OPCML: variants seen among roughly 807,000 people sequenced by gnomAD.
OPCML encodes opioid binding protein/cell adhesion molecule like.
In OPCML, 13 loss-of-function variants were observed where a neutral mutation model predicts 37.8. That is an observed-to-expected ratio of 0.34 (90% CI 0.22 to 0.55). The LOEUF (loss-of-function observed/expected upper bound fraction) is 0.55, where lower values mean the gene tolerates loss of function less well. Among genes scored for constraint, OPCML ranks in the 20% least tolerant of loss-of-function variants. The pLI, the probability that OPCML is intolerant of heterozygous loss-of-function variation, is 0.91. For missense variants in OPCML, 341 were observed against 435.6 expected, an observed-to-expected ratio of 0.78 and a Z score of 1.93; for synonymous variants, 176 against 168.8, an observed-to-expected ratio of 1.04 and a Z score of -0.33.
chr11:132,682,039 C>T (rs150147525), intron 2 of OPCML, among the ~76,000 whole-genome samples: 229 of 152,160 alleles, frequency 1.5e-3, no homozygotes, highest in African/African-American at 4.9e-3. Context: ...GCTAAAGGAG[C>T]GCTGTAACAC....
intron 2 of OPCML, among the ~76,000 whole-genome samples, chr11:132,712,669 G>A (rs1413401299): frequency 6.6e-6 from 1 of 152,206 alleles, no homozygotes; most frequent in Non-Finnish European, 1.5e-5. Flanking sequence ...GACAAGCGTG[G>A]CCTTCCAATT....
intron 3 of OPCML, among the ~76,000 whole-genome samples, chr11:132,631,375 A>ATATATATATATATATC (rs1491278364): frequency 3.6e-5 from 5 of 139,590 alleles, no homozygotes; most frequent in African/African-American, 1.3e-4. Flanking sequence ...ATATATATAT[A>ATATATATATATATATC]TCTCCTAGGT....
At chr11:132,732,588 GAT>G (rs1437002475) in intron 2 of OPCML, among the ~76,000 whole-genome samples, 1 of 152,136 alleles carries the variant, frequency 6.6e-6, no homozygotes, top group African/African-American at 2.4e-5. Flanking sequence ...TCTCAGGGAG[GAT>G]GAAAGAGAAC....
At chr11:133,440,411 A>AG (rs1555159339) in intron 1 of OPCML, among the ~76,000 whole-genome samples, 1 of 149,310 alleles carries the variant, frequency 6.7e-6, no homozygotes, top group Non-Finnish European at 1.5e-5. Context: ...AAAAAAAAAA[A>AG]AAAGAAAGAA....
At chr11:132,740,542 G>T (rs919192164) in intron 2 of OPCML, among the ~76,000 whole-genome samples, 7 of 152,182 alleles carry the variant, frequency 4.6e-5, no homozygotes, top group African/African-American at 7.2e-5. Flanking sequence ...GGAGAGAAAG[G>T]TCTGGGGAGC....
chr11:132,748,562 T>C (rs1324365641), intron 2 of OPCML, among the ~76,000 whole-genome samples: 2 of 151,952 alleles, frequency 1.3e-5, no homozygotes, highest in African/African-American at 4.8e-5. Flanking sequence ...GGCCTGTGCT[T>C]GGACAGAAGC....
intron 2 of OPCML, among the ~76,000 whole-genome samples, chr11:132,802,337 A>G (rs754808306): frequency 1.3e-5 from 2 of 152,222 alleles, no homozygotes; most frequent in African/African-American, 2.4e-5. Flanking sequence ...TGTACTTAAC[A>G]TCAACTCTGA....
chr11:133,159,223 T>C (rs1289499598), intron 1 of OPCML, among the ~76,000 whole-genome samples: 3 of 152,190 alleles, frequency 2.0e-5, no homozygotes. Flanking sequence ...CCGACAAGCA[T>C]TTCTGAATGG....
chr11:132,854,957 T>A (rs562199308), intron 2 of OPCML, among the ~76,000 whole-genome samples: 2 of 152,312 alleles, frequency 1.3e-5, no homozygotes, highest in East Asian at 3.9e-4. Flanking sequence ...AGGGATTTAG[T>A]TTATAGTTAA....
intron 2 of OPCML, among the ~76,000 whole-genome samples, chr11:132,832,980 G>A: frequency 6.6e-6 from 1 of 152,102 alleles, no homozygotes; most frequent in East Asian, 1.9e-4. Context: ...GAGCTTGCAG[G>A]ACTGGAAGGT....
chr11:132,978,659 G>A (rs1946516780), intron 1 of OPCML, among the ~76,000 whole-genome samples: 2 of 152,170 alleles, frequency 1.3e-5, no homozygotes, highest in Admixed American at 6.5e-5. Context: ...TGAGGGAACA[G>A]GGGTCAGTCT....
chr11:132,928,396 T>C (rs1945072604), intron 2 of OPCML, among the ~76,000 whole-genome samples: 2 of 151,940 alleles, frequency 1.3e-5, no homozygotes, highest in South Asian at 4.1e-4. Context: ...TGTTATATAA[T>C]AATAAAGAGG....
At chr11:132,796,092 T>C (rs547081093) in intron 2 of OPCML, among the ~76,000 whole-genome samples, 1 of 152,306 alleles carries the variant, frequency 6.6e-6, no homozygotes, top group South Asian at 2.1e-4. Context: ...TTAAGGTATA[T>C]AGGAGGATGT....
intron 2 of OPCML, among the ~76,000 whole-genome samples, chr11:132,893,782 A>G (rs1003073386): frequency 6.6e-6 from 1 of 152,256 alleles, no homozygotes; most frequent in African/African-American, 2.4e-5. Flanking sequence ...AAATATAGAA[A>G]GAATTTCATA....
intron 2 of OPCML, among the ~76,000 whole-genome samples, chr11:132,835,076 C>T (rs1007435119): frequency 1.7e-4 from 26 of 151,850 alleles, no homozygotes; most frequent in Admixed American, 6.6e-5. Flanking sequence ...AAATTGATTT[C>T]ATCAGCTCCA....
chr11:132,927,202 A>G (rs564406040), intron 2 of OPCML, among the ~76,000 whole-genome samples: 1 of 152,294 alleles, frequency 6.6e-6, no homozygotes, highest in East Asian at 1.9e-4. Flanking sequence ...AAGAAGCTCA[A>G]TGAACTTTAA....
At chr11:132,750,930 G>A (rs1450420019) in intron 2 of OPCML, among the ~76,000 whole-genome samples, 2 of 151,930 alleles carry the variant, frequency 1.3e-5, no homozygotes, top group Admixed American at 6.6e-5. Flanking sequence ...TATTTTCTAT[G>A]TTTCTGAATG....
At chr11:133,466,648 T>G (rs554944859) in intron 1 of OPCML, among the ~76,000 whole-genome samples, 1 of 152,380 alleles carries the variant, frequency 6.6e-6, no homozygotes, top group African/African-American at 2.4e-5. Context: ...ACCAGCCACA[T>G]CTTTTTTCTC....
At chr11:133,280,753 C>T (rs1454900059) in intron 1 of OPCML, among the ~76,000 whole-genome samples, 1 of 152,134 alleles carries the variant, frequency 6.6e-6, no homozygotes, top group Non-Finnish European at 1.5e-5. Context: ...ACAATGAGGC[C>T]TCTTAGATCT....
Sources: allele counts gnomAD v4.1 joint callset (sites outside exome capture counted in the v4.1 genomes callset), GRCh38; gene constraint gnomAD v4.1.1; transcripts MANE v1.5; gene names NCBI Gene and HGNC (gene_info 2026-07-23, HGNC 2026-07-21).